TMPRSS15: variants seen among roughly 807,000 people sequenced by gnomAD.
The protein encoded by TMPRSS15 is enteropeptidase.
TMPRSS15 carries 128 observed loss-of-function variants against 125.3 expected under a neutral mutation model. The observed-to-expected ratio is 1.02, with a 90% CI of 0.89 to 1.18. TMPRSS15 has a LOEUF of 1.18. TMPRSS15 is among the 50% of genes most tolerant of loss of function. The pLI, the probability that TMPRSS15 is intolerant of heterozygous loss-of-function variation, is 0.00. For synonymous variants in TMPRSS15, 446 were observed against 423.2 expected, an observed-to-expected ratio of 1.05 and a Z score of -0.66; for missense variants, 1,283 against 1,212.7, an observed-to-expected ratio of 1.06 and a Z score of -0.86.
intron 1 of TMPRSS15, among the ~76,000 whole-genome samples, chr21:18,442,154 A>C (rs2076243652): frequency 1.3e-5 from 2 of 152,198 alleles, no homozygotes; most frequent in South Asian, 2.1e-4. Flanking sequence ...CTTTAACATC[A>C]ATGAATTGTT....
intron 4 of TMPRSS15, among the ~76,000 whole-genome samples, chr21:18,380,285 T>A (rs971330650): frequency 6.6e-6 from 1 of 151,974 alleles, no homozygotes; most frequent in Non-Finnish European, 1.5e-5. Flanking sequence ...ATCTCTCATA[T>A]ATATTTGTAT....
intron 23 of TMPRSS15, 40 bp downstream of exon 23, chr21:18,278,924 G>GTTTTTTTTTTTTTTTTTTTTTTTT: frequency 2.3e-6 from 1 of 438,022 alleles, no homozygotes; most frequent in Non-Finnish European, 3.9e-6. Context: ...CACCAGTAAG[G>GTTTTTTTTTTTTTTTTTTTTTTTT]TTTTTTTTTT....
intron 1 of TMPRSS15, among the ~76,000 whole-genome samples, chr21:18,419,220 C>CTT (rs540004490): frequency 0.025 from 2,765 of 108,452 alleles, 37 homozygotes; most frequent in African/African-American, 0.035. Flanking sequence ...GACATTTCCT[C>CTT]TTTTTTTTTT....
intron 1 of TMPRSS15, among the ~76,000 whole-genome samples, chr21:18,445,493 T>C (rs9637047): frequency 9.9e-5 from 15 of 152,250 alleles, no homozygotes; most frequent in South Asian, 4.1e-4. Context: ...TACTACATTT[T>C]TAAAAATCCA....
intron 1 of TMPRSS15, among the ~76,000 whole-genome samples, chr21:18,426,361 C>T (rs1872915816): frequency 6.6e-6 from 1 of 152,108 alleles, no homozygotes; most frequent in South Asian, 2.1e-4. Context: ...GATCTGGCTA[C>T]AAAATGAAGC....
chr21:18,291,729 C>T (rs1400927593), intron 21 of TMPRSS15, among the ~76,000 whole-genome samples: 1 of 142,872 alleles, frequency 7.0e-6, no homozygotes, highest in African/African-American at 2.6e-5. Flanking sequence ...AAGTAGAAAG[C>T]AAGAAAACTC....
chr21:18,326,262 G>T (rs1287682563), intron 16 of TMPRSS15, among the ~76,000 whole-genome samples, 170 bp downstream of exon 16: 4 of 152,132 alleles, frequency 2.6e-5, no homozygotes, highest in Admixed American at 2.0e-4. Context: ...ACGAACTCAG[G>T]TAACGGTACT....
At chr21:18,446,772 A>G (rs1032105979) in intron 1 of TMPRSS15, among the ~76,000 whole-genome samples, 17 of 152,208 alleles carry the variant, frequency 1.1e-4, no homozygotes, top group African/African-American at 3.9e-4. Flanking sequence ...TCTATCTCTC[A>G]TCAGTTGCAA....
intron 14 of TMPRSS15, among the ~76,000 whole-genome samples, chr21:18,330,961 T>A (rs2065226658): frequency 6.6e-6 from 1 of 150,818 alleles, no homozygotes; most frequent in Non-Finnish European, 1.5e-5. Context: ...TAGTCCCAGC[T>A]ACTCGGGAGG....
At chr21:18,393,526 G>C (rs2076008000) in intron 3 of TMPRSS15, among the ~76,000 whole-genome samples, 1 of 152,074 alleles carries the variant, frequency 6.6e-6, no homozygotes, top group Non-Finnish European at 1.5e-5. Context: ...TCTTTAGTCT[G>C]TGAGCATTCC....
intron 3 of TMPRSS15, among the ~76,000 whole-genome samples, chr21:18,389,582 A>G (rs1419338806): frequency 6.6e-6 from 1 of 152,192 alleles, no homozygotes; most frequent in African/African-American, 2.4e-5. Flanking sequence ...ACTAAATATC[A>G]AAGAAAAATT....
chr21:18,282,847 T>C (rs1181881013), intron 21 of TMPRSS15, among the ~76,000 whole-genome samples: 1 of 152,172 alleles, frequency 6.6e-6, no homozygotes, highest in Non-Finnish European at 1.5e-5. Flanking sequence ...CTGGGGTGCC[T>C]CATACAGCTC....
intron 7 of TMPRSS15, 103 bp from the exon 8 acceptor site, chr21:18,359,966 AATATG>A (rs2075664471): frequency 4.7e-6 from 3 of 637,786 alleles, no homozygotes; most frequent in Non-Finnish European, 8.7e-6. Context: ...AACACCACAT[AATATG>A]ATATCTACTC....
Position 18,325,059 on chromosome 21 carries a change from A to T in TMPRSS15, c.1921+1373T>A, listed in dbSNP as rs536301132. Among the ~76,000 whole-genome samples, 141 of 151,938 alleles carry T rather than the reference A, an allele frequency of 9.3e-4. 1 individual carries two copies. The highest frequency in any genetic ancestry group is 3.3e-3 in the African/African-American group (135 of 41,356). On this transcript the variant is annotated intron_variant, in intron 16 of 24. Coordinates refer to ENST00000284885, the MANE Select transcript of TMPRSS15 (RefSeq NM_002772.3). ...AAAGCAATGATCAAATTTTCTTCTA[A>T]GTTAAATTCTCGCCACACACACACA...
chr21:18,338,065 T>A (rs189742763), intron 13 of TMPRSS15, among the ~76,000 whole-genome samples: 5 of 152,296 alleles, frequency 3.3e-5, no homozygotes, highest in African/African-American at 1.2e-4. Context: ...AAGCTTGACA[T>A]AAAGGTGCTA....
At chr21:18,297,152 C>G (rs1176006598) in intron 19 of TMPRSS15, among the ~76,000 whole-genome samples, 1 of 152,144 alleles carries the variant, frequency 6.6e-6, no homozygotes, top group Non-Finnish European at 1.5e-5. Context: ...TAAAACAGAT[C>G]TTTGAATACA....
At chr21:18,314,725 G>T (rs1247110793) in intron 17 of TMPRSS15, among the ~76,000 whole-genome samples, 2 of 152,128 alleles carry the variant, frequency 1.3e-5, no homozygotes, top group African/African-American at 4.8e-5. Context: ...TGTGGAAGGG[G>T]AGCTGGAATG....
chr21:18,349,082 T>C (rs1171101270), intron 10 of TMPRSS15, among the ~76,000 whole-genome samples: 1 of 152,228 alleles, frequency 6.6e-6, no homozygotes, highest in Admixed American at 6.5e-5. Flanking sequence ...TTTTTACTAC[T>C]AAACTATACT....
chr21:18,388,441 T>C (rs902374920), intron 3 of TMPRSS15, among the ~76,000 whole-genome samples: 2 of 152,164 alleles, frequency 1.3e-5, no homozygotes, highest in Admixed American at 6.5e-5. Context: ...TAAAAGTCTA[T>C]ATTCATCAAA....
Sources: gnomAD v4.1 joint callset for allele counts (sites outside exome capture counted in the v4.1 genomes callset) on GRCh38, gnomAD v4.1.1 for gene constraint, MANE v1.5 for transcripts, NCBI Gene and HGNC (gene_info 2026-07-23, HGNC 2026-07-21) for gene names.